TRHDE: variants seen among roughly 807,000 people sequenced by gnomAD.
TRHDE encodes thyrotropin releasing hormone degrading enzyme, also known as thyrotropin-releasing hormone-degrading ectoenzyme.
Under a neutral mutation model 125.7 loss-of-function variants are expected in TRHDE, and 72 were observed. The ratio of observed to expected loss-of-function variants is 0.57; its 90% confidence interval spans 0.47 to 0.70. The LOEUF is 0.70. TRHDE is among the 30% of genes least tolerant of loss of function. The pLI is 0.00. For missense variants in TRHDE, 1,110 were observed against 1,327.1 expected (o/e 0.84, Z 2.54); for synonymous variants, 509 against 509.1 (o/e 1.00, Z 0.00).
At chr12:72,238,340 T>A (rs1380970543) in intron 2 of TRHDE, among the ~76,000 whole-genome samples, 1,067 of 11,790 alleles carry the variant, frequency 0.091, 156 homozygotes, top group African/African-American at 0.26. Context: ...ATATACACAT[T>A]ATATATATAT....
chr12:72,542,201 A>G lies in TRHDE; in HGVS notation c.1723-90A>G, dbSNP rs186951950. 5.5e-5 allele frequency: 46 copies of G among 836,914 alleles called. No individual in the cohort carries two copies. The African/African-American group carries it at 7.3e-4, about 13-fold the overall frequency. 51.8% of individuals were successfully genotyped at this position (836,914 alleles called of 1,614,324 possible). A position where few individuals can be genotyped will look rare whatever the true frequency, so the allele number is the denominator to read the frequency against. The stretch of plus-strand genomic sequence containing the variant: ...TAATTATTTTTGAAAATAGAATAGC[A>G]TGAATGAAGTAGACTAGATTTGAGT... On this transcript the variant is annotated intron_variant, in intron 6 of 18. Coordinates refer to ENST00000261180, the MANE Select transcript of TRHDE (RefSeq NM_013381.3).
In TRHDE at chr12:72,396,755, CAA is replaced by C. The variant is rs1262857878; in HGVS notation, c.1315+18636_1315+18637del. On this transcript the variant is annotated intron_variant, in intron 3 of 18. Coordinates refer to ENST00000261180, the MANE Select transcript of TRHDE (RefSeq NM_013381.3). Reference sequence around the variant, plus strand: ...GAGACTCCATCTCAAAACAAACAAACAAACAAACAAAAAACAAAAAAACTTTA... The same window carrying C: ...GAGACTCCATCTCAAAACAAACAAACACAAACAAAAAACAAAAAAACTTTA... Among the ~76,000 whole-genome samples the C allele has an allele frequency of 6.6e-5, 10 of 152,044 alleles. No individual in the cohort carries two copies. The East Asian group carries it at 1.7e-3, about 26-fold the overall frequency.
intron 17 of TRHDE, among the ~76,000 whole-genome samples, chr12:72,653,564 A>G (rs2136111018): frequency 6.6e-6 from 1 of 152,216 alleles, no homozygotes; most frequent in South Asian, 2.1e-4. Flanking sequence ...TTTTCTTTAA[A>G]TATAAATATC....
At chr12:72,387,685 A>G (rs1245600449) in intron 3 of TRHDE, among the ~76,000 whole-genome samples, 1 of 152,086 alleles carries the variant, frequency 6.6e-6, no homozygotes, top group South Asian at 2.1e-4. Context: ...CATGTTGTGC[A>G]AGGGACCCAG....
At chr12:72,653,952 G>A (rs772190108) in intron 17 of TRHDE, among the ~76,000 whole-genome samples, 32 of 152,050 alleles carry the variant, frequency 2.1e-4, no homozygotes, top group Admixed American at 6.6e-4. Context: ...AGTTCAATTA[G>A]AATGGCTGTG....
At chr12:72,401,238 C>T (rs372089157) in intron 3 of TRHDE, among the ~76,000 whole-genome samples, 16 of 152,148 alleles carry the variant, frequency 1.1e-4, no homozygotes, top group African/African-American at 3.1e-4. Flanking sequence ...TTAATACATA[C>T]CTAATACTAA....
At chr12:72,156,545 G>A (rs1876517248) in intron 2 of TRHDE, among the ~76,000 whole-genome samples, 1 of 152,112 alleles carries the variant, frequency 6.6e-6, no homozygotes, top group Non-Finnish European at 1.5e-5. Context: ...TCCACCCCAT[G>A]AGTCTTAAAT....
chr12:72,315,403 T>C (rs985733512), intron 2 of TRHDE, among the ~76,000 whole-genome samples: 42 of 152,332 alleles, frequency 2.8e-4, no homozygotes, highest in African/African-American at 8.9e-4. Flanking sequence ...TAAGTCCATA[T>C]ATACTTTAGA....
rs577123403 is a variant in TRHDE, at chr12:72,647,386, C to A, written c.2676-4936C>A. Among the ~76,000 whole-genome samples, 148 of 151,926 alleles carry A rather than the reference C, an allele frequency of 9.7e-4. 1 individual carries two copies. The highest frequency in any genetic ancestry group is 2.3e-3 in the South Asian group (11 of 4,824). On this transcript the variant is annotated intron_variant, in intron 15 of 18. Coordinates refer to ENST00000261180, the MANE Select transcript of TRHDE (RefSeq NM_013381.3). ...CTATATTTATAATGACCTGAAACTA[C>A]CTTTACACCTCAAGGAGATAGAAAA...
chr12:72,280,796 A>C lies in TRHDE; in HGVS notation c.915-5885A>C, dbSNP rs1442908607. On this transcript the variant is annotated intron_variant, in intron 1 of 18. Coordinates refer to ENST00000261180, the MANE Select transcript of TRHDE (RefSeq NM_013381.3). ...CCAGTACAGCAAGAAGAAAAGCCTTAAGTACCAAGGGAAAGGCGTCTCAAT... is the reference window on the plus strand; with the variant it reads ...CCAGTACAGCAAGAAGAAAAGCCTTCAGTACCAAGGGAAAGGCGTCTCAAT... Among the ~76,000 whole-genome samples, 11 of 152,228 alleles carry C rather than the reference A, an allele frequency of 7.2e-5. 1 individual carries two copies.
At chr12:72,176,364 A>G (rs1876988371) in intron 2 of TRHDE, among the ~76,000 whole-genome samples, 1 of 152,038 alleles carries the variant, frequency 6.6e-6, no homozygotes, top group African/African-American at 2.4e-5. Context: ...TAGTCTAGAT[A>G]TGGATGGCTT....
At chr12:72,597,232 G>A (rs1021575260) in intron 12 of TRHDE, among the ~76,000 whole-genome samples, 5 of 152,110 alleles carry the variant, frequency 3.3e-5, no homozygotes, top group African/African-American at 9.7e-5. Context: ...CTCTCCTTTA[G>A]GCCTCATTGA....
intron 6 of TRHDE, among the ~76,000 whole-genome samples, chr12:72,519,980 A>C (rs551517481): frequency 6.6e-6 from 1 of 152,214 alleles, no homozygotes; most frequent in East Asian, 1.9e-4. Flanking sequence ...GACCCACTTC[A>C]GGAGGCAGTC....
chr12:72,438,892 G>A (rs570319366), intron 3 of TRHDE, among the ~76,000 whole-genome samples: 97 of 151,860 alleles, frequency 6.4e-4, no homozygotes, highest in African/African-American at 2.2e-3. Context: ...TAGTAGTTTC[G>A]TAGTTTTGAA....
At chr12:72,244,217 C>T (rs982326170) in intron 2 of TRHDE, among the ~76,000 whole-genome samples, 2 of 152,184 alleles carry the variant, frequency 1.3e-5, no homozygotes, top group African/African-American at 4.8e-5. Context: ...ATGTTGCCTA[C>T]TGGATCTTCA....
chr12:72,246,484 T>C (rs1878578551), intron 2 of TRHDE, among the ~76,000 whole-genome samples: 1 of 152,182 alleles, frequency 6.6e-6, no homozygotes, highest in Non-Finnish European at 1.5e-5. Context: ...TATTTTCTGG[T>C]TTTCTTTTTG....
intron 2 of TRHDE, among the ~76,000 whole-genome samples, chr12:72,184,529 C>G (rs532097523): frequency 7.9e-5 from 12 of 152,232 alleles, no homozygotes; most frequent in Admixed American, 2.6e-4. Flanking sequence ...CTTCCTTTCT[C>G]TCTTATAGTA....
In TRHDE at chr12:72,575,506, G is replaced by A. The variant is rs754939184; in HGVS notation, c.2285G>A (p.Arg762Gln). Residue 762 changes from arginine to glutamine, a missense_variant, in exon 12 of 19, where the codon CGA becomes CAA. Arg to Gln is a conservative substitution (Grantham distance 43, BLOSUM62 1). Around this residue, in one of 5 missense-constraint regions of TRHDE, gnomAD observed 527 missense variants for 651.8 expected, o/e 0.81. Transcript: ENST00000261180. ...CCTCAGGTTCTTTCTGTCAGTAACCGAGCGGGCTTGATCGATGATGCCTTC... is the reference window on the plus strand; with the variant it reads ...CCTCAGGTTCTTTCTGTCAGTAACCAAGCGGGCTTGATCGATGATGCCTTC... Reference protein sequence around the residue: ...RNHEVLSVSNRAGLIDDAFSL... With the variant: ...RNHEVLSVSNQAGLIDDAFSL... 3 of 1,613,336 alleles carry A rather than the reference G, an allele frequency of 1.9e-6. No homozygotes were observed. The highest frequency in any genetic ancestry group is 1.7e-5 in the Admixed American group (1 of 59,886).
intron 2 of TRHDE, among the ~76,000 whole-genome samples, chr12:72,180,695 A>C (rs1437478174): frequency 6.6e-6 from 1 of 152,152 alleles, no homozygotes; most frequent in East Asian, 1.9e-4. Context: ...AGTTCTAGCC[A>C]ATGAATGGAG....
Sources: allele counts gnomAD v4.1 joint callset (sites outside exome capture counted in the v4.1 genomes callset), GRCh38; gene constraint gnomAD v4.1.1; regional missense constraint gnomAD v4.1.1; transcripts MANE v1.5; gene names NCBI Gene and HGNC (gene_info 2026-07-23, HGNC 2026-07-21).